Variants in EHBP1 observed in about 807,000 individuals in gnomAD.
EHBP1 encodes EH domain binding protein 1.
Under a neutral mutation model 144.0 loss-of-function variants are expected in EHBP1, and 55 were observed. The ratio of observed to expected loss-of-function variants is 0.38; its 90% CI spans 0.31 to 0.48. The LOEUF (loss-of-function observed/expected upper bound fraction) is 0.48, where lower values mean the gene tolerates loss of function less well. EHBP1 is among the 20% of genes least tolerant of loss of function. The pLI, the probability that EHBP1 is intolerant of heterozygous loss-of-function variation, is 0.98. For missense variants in EHBP1, 1,200 were observed against 1,364.2 expected (o/e 0.88, Z 1.90); for synonymous variants, 469 against 472.7 (o/e 0.99, Z 0.10).
intron 10 of EHBP1, among the ~76,000 whole-genome samples, chr2:62,879,242 GCCCACTGTCA>G (rs1023059849): frequency 2.6e-5 from 4 of 152,188 alleles, no homozygotes; most frequent in Admixed American, 1.3e-4. Context: ...AAACAAGGAT[GCCCACTGTCA>G]CCACTCCTAT....
At chr2:62,756,588 G>A (rs2040303362) in intron 3 of EHBP1, among the ~76,000 whole-genome samples, 1 of 152,094 alleles carries the variant, frequency 6.6e-6, no homozygotes, top group African/African-American at 2.4e-5. Flanking sequence ...TGACCAACAT[G>A]GTGAAACCTC....
chr2:62,989,269 G>A (rs549551041), intron 15 of EHBP1, among the ~76,000 whole-genome samples: 6 of 151,784 alleles, frequency 4.0e-5, no homozygotes, highest in African/African-American at 1.2e-4. Flanking sequence ...AGGCTTTATC[G>A]GAAACCAATC....
At chr2:62,926,713 G>A (rs897084559) in intron 10 of EHBP1, among the ~76,000 whole-genome samples, 1 of 152,046 alleles carries the variant, frequency 6.6e-6, no homozygotes, top group Non-Finnish European at 1.5e-5. Flanking sequence ...AGGATGCAGA[G>A]AAAAGGAAAC....
rs2057181826 is a variant in EHBP1, at chr2:62,948,286, A to G, written c.1440A>G (p.Gly480=). ...KKAYDGFASI[G]ISRLLEPSDM... is the part of the protein sequence containing the mutation. ...CATACGATGGATTTGCCAGCATAGGAATTTCCCGATTATTGGAACCTTCTG... is the reference window on the plus strand; with the variant it reads ...CATACGATGGATTTGCCAGCATAGGGATTTCCCGATTATTGGAACCTTCTG... Residue 480 remains glycine (G), a synonymous_variant, in exon 13 of 23, where the codon GGA becomes GGG. Transcript: ENST00000431489. 2 of 1,582,328 alleles carry G rather than the reference A, an allele frequency of 1.3e-6. No individual in the cohort carries two copies. The highest frequency in any genetic ancestry group is 1.7e-6 in the Non-Finnish European group (2 of 1,163,762).
At chr2:62,918,879 G>A (rs769368663) in intron 10 of EHBP1, among the ~76,000 whole-genome samples, 3 of 152,144 alleles carry the variant, frequency 2.0e-5, no homozygotes, top group South Asian at 2.1e-4. Context: ...TCTCCCAACC[G>A]AGACAACATT....
At chr2:63,001,946 C>T (rs2059867583) in intron 19 of EHBP1, among the ~76,000 whole-genome samples, 1 of 152,204 alleles carries the variant, frequency 6.6e-6, no homozygotes, top group Non-Finnish European at 1.5e-5. Context: ...TCAATATTCA[C>T]TTATGCAAAA....
At chr2:62,878,422 TC>T in intron 10 of EHBP1, among the ~76,000 whole-genome samples, 1 of 151,990 alleles carries the variant, frequency 6.6e-6, no homozygotes, top group East Asian at 1.9e-4. Context: ...ACTGAAACTT[TC>T]CAAAAAAAAT....
chr2:62,906,329 A>T (rs1558891425), intron 10 of EHBP1, among the ~76,000 whole-genome samples: 1 of 152,186 alleles, frequency 6.6e-6, no homozygotes, highest in African/African-American at 2.4e-5. Flanking sequence ...TTTACACAGT[A>T]TCACACTATC....
chr2:62,831,971 C>G (rs928268608), intron 7 of EHBP1, among the ~76,000 whole-genome samples: 3 of 152,168 alleles, frequency 2.0e-5, no homozygotes, highest in Admixed American at 6.5e-5. Flanking sequence ...TTTAACTACT[C>G]AGCTAAAAAG....
chr2:62,743,471 C>A (rs192206183), intron 2 of EHBP1, among the ~76,000 whole-genome samples: 15 of 152,208 alleles, frequency 9.9e-5, no homozygotes, highest in African/African-American at 3.4e-4. Context: ...AGATTGTGAA[C>A]TTCCAGTGGA....
chr2:62,857,317 G>A (rs969876202), intron 7 of EHBP1, among the ~76,000 whole-genome samples: 8 of 152,198 alleles, frequency 5.3e-5, no homozygotes, highest in South Asian at 2.1e-4. Flanking sequence ...TCTATAGATC[G>A]TAAATTCCAC....
intron 15 of EHBP1, among the ~76,000 whole-genome samples, chr2:62,986,212 A>G (rs1574364016): frequency 6.6e-6 from 1 of 152,282 alleles, no homozygotes. Context: ...CTAAACTACA[A>G]ATTTTGAGGA....
chr2:62,807,840 A>T (rs887532290), intron 5 of EHBP1, among the ~76,000 whole-genome samples: 3 of 151,914 alleles, frequency 2.0e-5, no homozygotes, highest in East Asian at 3.9e-4. Context: ...TTCACTCCAC[A>T]CTTGTTTGTA....
At position 62,915,910 on chromosome 2, in the gene EHBP1, G is replaced by A. The variant is rs929144241; in HGVS notation, c.1186-26808G>A. Among the ~76,000 whole-genome samples, 4 of 152,220 alleles carry A rather than the reference G, an allele frequency of 2.6e-5. No homozygotes were observed. The South Asian group carries it at 8.3e-4, about 32-fold the overall frequency. Reference sequence around the variant, plus strand: ...CATAATCATTTAATATACAATAACAGGAGTATCACAGAACAATGAAATACT... The same window carrying A: ...CATAATCATTTAATATACAATAACAAGAGTATCACAGAACAATGAAATACT... On this transcript the variant is annotated intron_variant, in intron 10 of 22. Transcript: ENST00000431489.
At chr2:62,843,938 A>G (rs1005844856) in intron 7 of EHBP1, among the ~76,000 whole-genome samples, 1 of 152,214 alleles carries the variant, frequency 6.6e-6, no homozygotes, top group East Asian at 1.9e-4. Flanking sequence ...TGTTATTGAC[A>G]CAGTTTTTAT....
chr2:62,849,001 A>C (rs2048490505), intron 7 of EHBP1, among the ~76,000 whole-genome samples: 1 of 152,194 alleles, frequency 6.6e-6, no homozygotes, highest in African/African-American at 2.4e-5. Context: ...TTATTGATCT[A>C]CTGTGTGGTA....
At chr2:63,028,412 G>C (rs1439986127) in intron 19 of EHBP1, among the ~76,000 whole-genome samples, 3 of 151,966 alleles carry the variant, frequency 2.0e-5, no homozygotes, top group African/African-American at 7.3e-5. Context: ...AGACACCCTG[G>C]GTACGATATT....
chr2:62,769,884 C>T (rs547573274), intron 4 of EHBP1, among the ~76,000 whole-genome samples: 1 of 150,600 alleles, frequency 6.6e-6, no homozygotes, highest in South Asian at 2.1e-4. Context: ...GCAACTATCT[C>T]ATCTTTGGCA....
intron 2 of EHBP1, among the ~76,000 whole-genome samples, chr2:62,729,597 TA>T (rs1469152904): frequency 0.014 from 1,799 of 130,216 alleles, 39 homozygotes; most frequent in African/African-American, 0.049. Flanking sequence ...ATAATATATA[TA>T]ATAATAAATA....
Sources: allele counts gnomAD v4.1 joint callset (sites outside exome capture counted in the v4.1 genomes callset), GRCh38; gene constraint gnomAD v4.1.1; transcripts MANE v1.5; gene names NCBI Gene and HGNC (gene_info 2026-07-23, HGNC 2026-07-21).